The following ROBO2 variants were observed in gnomAD, a reference collection of about 807,000 sequenced individuals.
The protein encoded by ROBO2 is roundabout guidance receptor 2.
Under a neutral mutation model 160.8 loss-of-function variants are expected in ROBO2, and 53 were observed. The ratio of observed to expected loss-of-function variants is 0.33; its 90% CI spans 0.26 to 0.41. ROBO2 has a LOEUF of 0.41. ROBO2 is among the 10% of genes least tolerant of loss of function. The pLI is 1.00. For synonymous variants in ROBO2, 664 were observed against 611.7 expected, an observed-to-expected ratio of 1.09 and a Z score of -1.26; for missense variants, 1,577 against 1,722.4, an observed-to-expected ratio of 0.92 and a Z score of 1.49.
intron 2 of ROBO2, among the ~76,000 whole-genome samples, chr3:76,263,862 A>C (rs1243882539): frequency 6.6e-6 from 1 of 152,186 alleles, no homozygotes; most frequent in African/African-American, 2.4e-5. Context: ...AATGTGGCAC[A>C]TACACACCAT....
chr3:77,270,202 T>C (rs1295281996), intron 2 of ROBO2, among the ~76,000 whole-genome samples: 1 of 152,148 alleles, frequency 6.6e-6, no homozygotes, highest in African/African-American at 2.4e-5. Flanking sequence ...ATCAATACCA[T>C]TTCCTAAATA....
intron 12 of ROBO2, among the ~76,000 whole-genome samples, 189 bp downstream of exon 13, chr3:77,565,309 T>C (rs2093447280): frequency 6.6e-6 from 1 of 152,056 alleles, no homozygotes; most frequent in African/African-American, 2.4e-5. Flanking sequence ...TCTGGAGTTT[T>C]TGGGTTTATT....
intron 2 of ROBO2, among the ~76,000 whole-genome samples, chr3:76,745,500 C>A (rs2093870670): frequency 6.6e-6 from 1 of 152,036 alleles, no homozygotes; most frequent in African/African-American, 2.4e-5. Flanking sequence ...GGTGAGAGAA[C>A]AATTTGTCTG....
intron 2 of ROBO2, among the ~76,000 whole-genome samples, chr3:77,296,945 T>A (rs2062196347): frequency 6.6e-6 from 1 of 152,194 alleles, no homozygotes; most frequent in South Asian, 2.1e-4. Flanking sequence ...AAGTGTTGAC[T>A]GCTTTTCTCG....
At chr3:77,096,929 G>C (rs1163404408) in intron 1 of ROBO2, among the ~76,000 whole-genome samples, 1 of 152,134 alleles carries the variant, frequency 6.6e-6, no homozygotes, top group Non-Finnish European at 1.5e-5. Flanking sequence ...CCCAAAGTCA[G>C]GTTCTTTTTA....
intron 5 of ROBO2, among the ~76,000 whole-genome samples, chr3:77,495,323 A>C (rs2086647041): frequency 6.6e-6 from 1 of 152,214 alleles, no homozygotes; most frequent in African/African-American, 2.4e-5. Context: ...GAGAGTTCCC[A>C]TTTACACTAC....
intron 2 of ROBO2, among the ~76,000 whole-genome samples, chr3:76,284,677 C>T (rs1463312860): frequency 6.6e-6 from 1 of 152,054 alleles, no homozygotes; most frequent in African/African-American, 2.4e-5. Context: ...ATCCTGAAAA[C>T]TCTTGATCAT....
intron 2 of ROBO2, among the ~76,000 whole-genome samples, chr3:77,267,183 G>A (rs1481421803): frequency 6.6e-6 from 1 of 152,086 alleles, no homozygotes; most frequent in Non-Finnish European, 1.5e-5. Context: ...AATCTAGTTT[G>A]TATGCTGTTT....
intron 2 of ROBO2, among the ~76,000 whole-genome samples, chr3:76,305,486 T>A (rs1014532386): frequency 7.2e-6 from 1 of 139,564 alleles, no homozygotes; most frequent in Admixed American, 7.6e-5. Flanking sequence ...ATCGGCAGGG[T>A]GTGGTGATTT....
chr3:77,331,288 C>T (rs1464854924), intron 2 of ROBO2, among the ~76,000 whole-genome samples: 2 of 152,150 alleles, frequency 1.3e-5, no homozygotes, highest in African/African-American at 2.4e-5. Flanking sequence ...TCATCAATGC[C>T]ATCTTAGGAA....
intron 24 of ROBO2, among the ~76,000 whole-genome samples, chr3:77,639,175 C>A (rs1411932871): frequency 6.6e-6 from 1 of 152,076 alleles, no homozygotes; most frequent in Non-Finnish European, 1.5e-5. Flanking sequence ...GGGGCTCTTT[C>A]TCAGCTCTGC....
chr3:76,580,342 G>GTTTTTTTTTTTTTTTTTTTTTTTTGTT (rs71101901), intron 2 of ROBO2, among the ~76,000 whole-genome samples: 17 of 90,562 alleles, frequency 1.9e-4, no homozygotes, highest in African/African-American at 5.2e-4. Context: ...TTTTTTTTGT[G>GTTTTTTTTTTTTTTTTTTTTTTTTGTT]TTTTTTTTTT....
chr3:76,135,944 C>T (rs1010945279), intron 2 of ROBO2, among the ~76,000 whole-genome samples: 2 of 103,326 alleles, frequency 1.9e-5, no homozygotes, highest in Non-Finnish European at 1.9e-5. Flanking sequence ...TATTTTACTA[C>T]AAGGCAATAT....
At chr3:76,684,586 G>A (rs936184620) in intron 2 of ROBO2, among the ~76,000 whole-genome samples, 9 of 151,934 alleles carry the variant, frequency 5.9e-5, no homozygotes, top group Non-Finnish European at 1.2e-4. Flanking sequence ...TTACATTATA[G>A]TAAGAGTTTA....
At chr3:76,733,728 G>A (rs1483018639) in intron 2 of ROBO2, among the ~76,000 whole-genome samples, 2 of 152,134 alleles carry the variant, frequency 1.3e-5, no homozygotes, top group Non-Finnish European at 2.9e-5. Context: ...TTTCATGTGG[G>A]AATTTTTTTT....
At chr3:77,127,522 T>C (rs2075452103) in intron 2 of ROBO2, among the ~76,000 whole-genome samples, 1 of 152,138 alleles carries the variant, frequency 6.6e-6, no homozygotes, top group South Asian at 2.1e-4. Flanking sequence ...GAAGACTATT[T>C]ACCAACTTGA....
At chr3:76,689,592 C>CA (rs2092757021) in intron 2 of ROBO2, among the ~76,000 whole-genome samples, 1 of 152,130 alleles carries the variant, frequency 6.6e-6, no homozygotes, top group Admixed American at 6.6e-5. Flanking sequence ...TCCCATCCCC[C>CA]AAAAAAGAAA....
intron 2 of ROBO2, among the ~76,000 whole-genome samples, chr3:76,608,046 A>C (rs959292577): frequency 6.6e-6 from 1 of 152,256 alleles, no homozygotes; most frequent in African/African-American, 2.4e-5. Flanking sequence ...GCAAACAAAC[A>C]AAACCCTCTG....
intron 2 of ROBO2, among the ~76,000 whole-genome samples, chr3:76,431,352 A>G (rs960949625): frequency 2.0e-5 from 3 of 152,160 alleles, no homozygotes; most frequent in African/African-American, 7.2e-5. Context: ...TAGTGACTAA[A>G]AAGTAGCCTT....
Sources: allele counts gnomAD v4.1 joint callset (sites outside exome capture counted in the v4.1 genomes callset), GRCh38; gene constraint gnomAD v4.1.1; transcripts MANE v1.5; gene names NCBI Gene and HGNC (gene_info 2026-07-23, HGNC 2026-07-21).